The following TOP2B variants were observed in gnomAD, a reference collection of about 807,000 sequenced individuals.
TOP2B encodes DNA topoisomerase 2-beta.
A neutral mutation model predicts 193.5 loss-of-function variants in TOP2B; 51 were observed. That is an observed-to-expected ratio of 0.26 (90% CI 0.21 to 0.33). The LOEUF (loss-of-function observed/expected upper bound fraction) is 0.33. TOP2B is among the 10% of genes least tolerant of loss of function. The pLI is 1.00. For synonymous variants in TOP2B, 634 were observed against 635.7 expected (o/e 1.00, Z 0.04); for missense variants, 1,378 against 1,909.3 (o/e 0.72, Z 5.19).
Position 25,635,999 on chromosome 3 carries a change from C to T in TOP2B, c.789G>A (p.Arg263=). The T allele has an allele frequency of 6.2e-7, 1 of 1,613,356 alleles. No homozygotes were observed. The highest frequency in any genetic ancestry group is 1.1e-5 in the South Asian group (1 of 91,056). The change falls in exon 7 of 36, where the codon AGG becomes AGA. Residue 263 remains arginine, a synonymous_variant. Transcript: ENST00000264331. ...TACACGAACCAGCCAAATCATATGC[C>T]CTTCTAGTCATGAGGGCCACAATAT... ...DKDIVALMTR[R]AYDLAGSCRG...
intron 1 of TOP2B, among the ~76,000 whole-genome samples, chr3:25,663,743 T>C (rs939565123): frequency 3.3e-5 from 5 of 152,154 alleles, no homozygotes; most frequent in African/African-American, 9.7e-5. Context: ...CAAGTTGCTG[T>C]AGAAATCCCA....
chr3:25,664,209 C>T lies in TOP2B; in HGVS notation c.69+20G>A, dbSNP rs747919919. On this transcript the variant is annotated intron_variant, in intron 1 of 35. Coordinates refer to ENST00000264331, the MANE Select transcript of TOP2B (RefSeq NM_001330700.2). The stretch of plus-strand genomic sequence containing the variant: ...GGCCCGGAACAATGCAGCCGCCCGT[C>T]CCGGGGACCAGCCACTTACCACCCA... 1.3e-5 allele frequency: 20 copies of T among 1,539,226 alleles called. No homozygotes were observed. The highest frequency in any genetic ancestry group is 1.6e-5 in the Non-Finnish European group (18 of 1,146,134).
In TOP2B at chr3:25,618,787, T is replaced by C. The variant is rs1200759190; in HGVS notation, c.3126A>G (p.Glu1042=). ...AATAACTTAATCGTAAATCAAAGAA[T>C]TCTTTCAGAATGTCTTGCACAGTTT... ...KYETVQDILK[E]FFDLRLSYYG... is the part of the protein sequence containing the mutation. Residue 1042 remains glutamate (E), a synonymous_variant, in exon 24 of 36, where the codon GAA becomes GAG. Transcript: ENST00000264331. 6.2e-7 allele frequency: 1 copy of C among 1,612,234 alleles called. No homozygotes were observed. The highest frequency in any genetic ancestry group is 8.5e-7 in the Non-Finnish European group (1 of 1,178,970).
At chr3:25,604,945 G>T in intron 32 of TOP2B, 75 bp from the exon 33 acceptor site, 1 of 1,019,442 alleles carries the variant, frequency 9.8e-7, no homozygotes, top group Non-Finnish European at 1.5e-6. Context: ...TCTTTTAACT[G>T]ATGACTTCCC....
Position 25,636,166 on chromosome 3 carries a change from T to A in TOP2B, c.640-18A>T, listed in dbSNP as rs1296515325. On this transcript the variant is annotated intron_variant, in intron 6 of 35. Coordinates refer to ENST00000264331, the MANE Select transcript of TOP2B (RefSeq NM_001330700.2). ...ATCCATGTCTTTAAAAGAAAAAAAT[T>A]CAAATATTTCTATAATGCTTCCATA... 2.7e-6 allele frequency: 4 copies of A among 1,474,674 alleles called. No individual in the cohort carries two copies. In the Admixed American group the frequency reaches 6.1e-5, roughly 23 times the overall value. The allele number at this position is 1,474,674 out of a possible 1,614,324, so 91.3% of individuals were successfully genotyped here. A position where few individuals can be genotyped will look rare whatever the true frequency, so the allele number is the denominator to read the frequency against.
At chr3:25,652,755 A>C (rs555909573) in intron 1 of TOP2B, among the ~76,000 whole-genome samples, 18 of 152,322 alleles carry the variant, frequency 1.2e-4, no homozygotes, top group African/African-American at 3.6e-4. Context: ...GAACTAGGAA[A>C]AGAGAAACTA....
chr3:25,652,466 A>G (rs1703620061), intron 1 of TOP2B, among the ~76,000 whole-genome samples: 1 of 152,228 alleles, frequency 6.6e-6, no homozygotes, highest in Non-Finnish European at 1.5e-5. Context: ...CTATAATCAT[A>G]TAAGGTATAT....
At chr3:25,640,267 C>T (rs1333395748) in intron 4 of TOP2B, among the ~76,000 whole-genome samples, 2 of 152,128 alleles carry the variant, frequency 1.3e-5, no homozygotes, top group Non-Finnish European at 2.9e-5. Context: ...TCAGCAACTT[C>T]TCACAAAATG....
chr3:25,626,877 A>G lies in TOP2B; in HGVS notation c.2017-13T>C, dbSNP rs377502966. Reference sequence around the variant, plus strand: ...TCTTACTAAATGCCTGAAAGATTCCAGGTAACGATTTTGCACATTAAAAAT... The same window carrying G: ...TCTTACTAAATGCCTGAAAGATTCCGGGTAACGATTTTGCACATTAAAAAT... On this transcript the variant is annotated splice_polypyrimidine_tract_variant and intron_variant, in intron 16 of 35. Coordinates refer to ENST00000264331, the MANE Select transcript of TOP2B (RefSeq NM_001330700.2). 2.0e-6 allele frequency: 3 copies of G among 1,515,718 alleles called. No individual in the cohort carries two copies. Among genetic ancestry groups the G allele is most frequent in the Non-Finnish European group, 2.7e-6 (3 of 1,109,120 alleles). 93.9% of individuals were successfully genotyped at this position (1,515,718 alleles called of 1,614,324 possible).
intron 31 of TOP2B, among the ~76,000 whole-genome samples, 162 bp downstream of exon 31, chr3:25,607,009 A>T (rs1428240814): frequency 6.6e-6 from 1 of 152,164 alleles, no homozygotes; most frequent in African/African-American, 2.4e-5. Flanking sequence ...TTTAAACTAC[A>T]GCAACTGTGA....
chr3:25,640,752 CTTTTTT>C (rs372465937), intron 4 of TOP2B, among the ~76,000 whole-genome samples: 21 of 106,996 alleles, frequency 2.0e-4, no homozygotes, highest in African/African-American at 5.0e-4. Flanking sequence ...TCTTCGTTGT[CTTTTTT>C]TTTTTTTTTT....
At chr3:25,615,014 C>T (rs571494188) in intron 27 of TOP2B, among the ~76,000 whole-genome samples, 191 bp downstream of exon 27, 1 of 151,940 alleles carries the variant, frequency 6.6e-6, no homozygotes, top group Non-Finnish European at 1.5e-5. Flanking sequence ...ATTTCAATTT[C>T]ATAGCATTTA....
intron 34 of TOP2B, among the ~76,000 whole-genome samples, chr3:25,600,483 C>T (rs1248786183): frequency 1.3e-5 from 2 of 152,216 alleles, no homozygotes; most frequent in African/African-American, 4.8e-5. Flanking sequence ...GTCTACAGCT[C>T]CTTATCCCAA....
chr3:25,623,199 A>T (rs1702707233), intron 21 of TOP2B, among the ~76,000 whole-genome samples: 1 of 152,244 alleles, frequency 6.6e-6, no homozygotes, highest in African/African-American at 2.4e-5. Flanking sequence ...GTTTGAGAAC[A>T]GAAACAAGGT....
chr3:25,649,018 G>C (rs1299311160), intron 1 of TOP2B, among the ~76,000 whole-genome samples: 3 of 152,030 alleles, frequency 2.0e-5, no homozygotes, highest in Non-Finnish European at 2.9e-5. Flanking sequence ...ATAAACAAAA[G>C]GAAAAAATCA....
At chr3:25,618,131 T>C (rs6802614) in intron 25 of TOP2B, 2 of 337,104 alleles carry the variant, frequency 5.9e-6, no homozygotes, top group Non-Finnish European at 1.1e-5. Flanking sequence ...CACCTTTTAA[T>C]GGCAGACTCA....
intron 33 of TOP2B, among the ~76,000 whole-genome samples, chr3:25,602,389 T>A (rs1702118025): frequency 8.0e-6 from 1 of 125,026 alleles, no homozygotes. Context: ...AGAGCAAGAC[T>A]CTGTCTCAAA....
Position 25,620,571 on chromosome 3 carries a change from A to G in TOP2B, c.2862+111T>C. 5 of 1,184,906 alleles carry G rather than the reference A, an allele frequency of 4.2e-6. No individual in the cohort carries two copies. The Admixed American group carries it at 9.1e-5, about 22-fold the overall frequency. The allele number at this position is 1,184,906 out of a possible 1,614,324, so 73.4% of individuals were successfully genotyped here. On this transcript the variant is annotated intron_variant, in intron 22 of 35. Coordinates refer to ENST00000264331, the MANE Select transcript of TOP2B (RefSeq NM_001330700.2). ...CTGAAGGGTAAAAGAAGGTACAGGA[A>G]TTTTTTAACACTACGCACGCTTAGG...
At position 25,602,417 on chromosome 3, in the gene TOP2B, A is replaced by G. The variant is rs200270911; in HGVS notation, c.4490-1192T>C. On this transcript the variant is annotated intron_variant, in intron 33 of 35. Transcript: ENST00000264331. ...GTCTCAAAAAAAAAAAAAGAAAAAG[A>G]AAAAAAAAAAACTGATAAATCACTT... is the stretch of plus-strand genomic sequence containing the variant. Among the ~76,000 whole-genome samples, 32 of 69,824 alleles carry G rather than the reference A, an allele frequency of 4.6e-4. 2 individuals carry two copies. The highest frequency in any genetic ancestry group is 1.8e-3 in the South Asian group (4 of 2,238). 45.8% of individuals were successfully genotyped at this position (69,824 alleles called of 152,430 possible). A position where few individuals can be genotyped will look rare whatever the true frequency, so the allele number is the denominator to read the frequency against.
Sources: gnomAD v4.1 joint callset for allele counts (sites outside exome capture counted in the v4.1 genomes callset) on GRCh38, gnomAD v4.1.1 for gene constraint, MANE v1.5 for transcripts, NCBI Gene and HGNC (gene_info 2026-07-23, HGNC 2026-07-21) for gene names.